MAN1C1: variants seen among roughly 807,000 people sequenced by gnomAD.
MAN1C1 encodes the protein mannosyl-oligosaccharide 1,2-alpha-mannosidase IC.
MAN1C1 carries 49 observed loss-of-function variants against 71.5 expected under a neutral mutation model. The observed-to-expected ratio is 0.69, with a 90% CI of 0.54 to 0.87. MAN1C1 has a LOEUF of 0.87. Ranked by LOEUF, MAN1C1 falls within the 40% of genes least tolerant of loss-of-function variation. The pLI is 0.00. For missense variants in MAN1C1, 743 were observed against 835.0 expected (o/e 0.89, Z 1.36); for synonymous variants, 352 against 343.7 (o/e 1.02, Z -0.27).
chr1:25,642,305 G>A (rs866318328), intron 1 of MAN1C1, among the ~76,000 whole-genome samples: 8 of 152,196 alleles, frequency 5.3e-5, no homozygotes, highest in Non-Finnish European at 1.2e-4. Flanking sequence ...GTAACTGATT[G>A]ATGCTCAGGA....
intron 1 of MAN1C1, among the ~76,000 whole-genome samples, chr1:25,643,176 C>A (rs971531529): frequency 3.3e-5 from 5 of 151,546 alleles, no homozygotes; most frequent in Admixed American, 1.3e-4. Flanking sequence ...GTTCTCCATC[C>A]TCTCCCTCTA....
At chr1:25,768,368 TC>T (rs1247247983) in intron 7 of MAN1C1, among the ~76,000 whole-genome samples, 2 of 32,194 alleles carry the variant, frequency 6.2e-5, no homozygotes, top group Non-Finnish European at 1.2e-4. Flanking sequence ...TTACATACAC[TC>T]CCCCCACACA....
intron 3 of MAN1C1, among the ~76,000 whole-genome samples, chr1:25,748,159 G>T (rs1200089687): frequency 6.6e-6 from 1 of 152,194 alleles, no homozygotes. Context: ...TAGGAGCTGG[G>T]GGACACTCAG....
At chr1:25,651,008 C>T (rs2045683935) in intron 1 of MAN1C1, among the ~76,000 whole-genome samples, 1 of 151,982 alleles carries the variant, frequency 6.6e-6, no homozygotes, top group Non-Finnish European at 1.5e-5. Context: ...CCAAGGAGAC[C>T]TGGAGGGGGT....
chr1:25,647,349 G>A (rs904596319), intron 1 of MAN1C1, among the ~76,000 whole-genome samples: 2 of 152,184 alleles, frequency 1.3e-5, no homozygotes, highest in South Asian at 2.1e-4. Flanking sequence ...TGCCTGTGGT[G>A]CAAGGTGTTT....
At chr1:25,671,511 A>G (rs1017086622) in intron 1 of MAN1C1, among the ~76,000 whole-genome samples, 1 of 152,220 alleles carries the variant, frequency 6.6e-6, no homozygotes, top group Non-Finnish European at 1.5e-5. Flanking sequence ...TAGAGGTGTT[A>G]GGTATTGTCA....
chr1:25,661,663 A>T (rs1480783928), intron 1 of MAN1C1, among the ~76,000 whole-genome samples: 1 of 152,190 alleles, frequency 6.6e-6, no homozygotes, highest in Non-Finnish European at 1.5e-5. Context: ...GGCAGGAAGC[A>T]GGAAGCAGAG....
intron 1 of MAN1C1, among the ~76,000 whole-genome samples, chr1:25,630,577 C>G (rs1490618216): frequency 6.6e-6 from 1 of 152,112 alleles, no homozygotes; most frequent in Non-Finnish European, 1.5e-5. Context: ...GTGATTTCTT[C>G]CAGCAGTGTC....
intron 1 of MAN1C1, chr1:25,646,229 C>G (rs12123729): frequency 0.05 from 7,602 of 152,354 alleles, 287 homozygotes; most frequent in Non-Finnish European, 0.073. Flanking sequence ...TGGTGGAGGA[C>G]CCTGTGGCCA....
At chr1:25,744,578 T>A (rs1001209096) in intron 2 of MAN1C1, among the ~76,000 whole-genome samples, 6 of 152,102 alleles carry the variant, frequency 3.9e-5, no homozygotes, top group African/African-American at 2.4e-5. Context: ...GGCCCTCCCT[T>A]CTGGTAATAG....
Position 25,746,120 on chromosome 1 carries a change from C to A in MAN1C1, c.638-548C>A, listed in dbSNP as rs1031403976. Among the ~76,000 whole-genome samples, 10 of 152,182 alleles carry A rather than the reference C, an allele frequency of 6.6e-5. No individual in the cohort carries two copies. The East Asian group carries it at 1.9e-3, about 29-fold the overall frequency. On this transcript the variant is annotated intron_variant, in intron 2 of 11. Coordinates refer to ENST00000374332, the MANE Select transcript of MAN1C1 (RefSeq NM_020379.4). This position sits in a 1 kb window ranked among gnomAD's most constrained non-coding sequence, Gnocchi z 4.0. ...AGGAGTTCAAGACCAGCCTGGCCAA[C>A]ATGGTGAAACCCCATCTCTACTAAA...
intron 1 of MAN1C1, among the ~76,000 whole-genome samples, chr1:25,668,235 T>G (rs369291210): frequency 8.5e-5 from 13 of 152,234 alleles, no homozygotes; most frequent in African/African-American, 2.4e-4. Flanking sequence ...TGGGAGGCCT[T>G]CCTTGGCCAC....
At chr1:25,771,376 C>T (rs568464686) in intron 7 of MAN1C1, among the ~76,000 whole-genome samples, 2 of 152,364 alleles carry the variant, frequency 1.3e-5, no homozygotes, top group South Asian at 2.1e-4. Flanking sequence ...GAGGCCCTGC[C>T]GTCCCCAGCC....
chr1:25,671,048 T>G (rs1217153255), intron 1 of MAN1C1, among the ~76,000 whole-genome samples: 1 of 152,146 alleles, frequency 6.6e-6, no homozygotes, highest in African/African-American at 2.4e-5. Context: ...AGTTAATTTT[T>G]TTGTATTTTC....
chr1:25,690,136 T>C (rs2046287886), intron 2 of MAN1C1, among the ~76,000 whole-genome samples: 1 of 152,128 alleles, frequency 6.6e-6, no homozygotes, highest in South Asian at 2.1e-4. Flanking sequence ...TTCTGTGTCC[T>C]AAGCAAGTCA....
In MAN1C1 at chr1:25,686,431, T is replaced by C. The variant is rs1402043100; in HGVS notation, c.541-9T>C. ...ACTGAGGTTCTCTCTATGCTGCTTT[T>C]TCTTGCAGATGATGCAGTTTGCTTG... On this transcript the variant is annotated splice_polypyrimidine_tract_variant and intron_variant, in intron 1 of 11. Coordinates refer to ENST00000374332, the MANE Select transcript of MAN1C1 (RefSeq NM_020379.4). 8 of 1,613,626 alleles carry C rather than the reference T, an allele frequency of 5.0e-6. No homozygotes were observed. In the African/African-American group the frequency reaches 9.3e-5, roughly 19 times the overall value.
chr1:25,617,913 C>T lies in MAN1C1; in HGVS notation c.116C>T (p.Ala39Val). 2 of 1,607,422 alleles carry T rather than the reference C, an allele frequency of 1.2e-6. No individual in the cohort carries two copies. The highest frequency in any genetic ancestry group is 1.7e-6 in the Non-Finnish European group (2 of 1,177,680). Residue 39 changes from alanine (A) to valine (V), a missense_variant, in exon 1 of 12, where the codon GCC becomes GTC. Physicochemically the swap from Ala to Val is moderately conservative, Grantham distance 64. Coordinates refer to ENST00000374332, the MANE Select transcript of MAN1C1 (RefSeq NM_020379.4). The surrounding 1 kb of genome is among the most constrained non-coding windows in gnomAD (Gnocchi z 5.1). The stretch of plus-strand genomic sequence containing the variant: ...GGCCTGGTCACCCTGTGCTTCGGGG[C>T]CCTCTTCCTGCTGCCCCACTCCTCT... ...LSGLVTLCFG[A>V]LFLLPHSSRL...
chr1:25,650,386 G>A (rs920111135), intron 1 of MAN1C1, among the ~76,000 whole-genome samples: 4 of 152,194 alleles, frequency 2.6e-5, no homozygotes, highest in Non-Finnish European at 5.9e-5. Context: ...GGGGTTCAGA[G>A]CCTTTTATTA....
At chr1:25,717,889 T>C (rs1044924556) in intron 2 of MAN1C1, among the ~76,000 whole-genome samples, 19 of 152,168 alleles carry the variant, frequency 1.2e-4, no homozygotes, top group African/African-American at 3.6e-4. Flanking sequence ...ACCAGCAGTG[T>C]GTGAGAGTTC....
Sources: gnomAD v4.1 joint callset for allele counts (sites outside exome capture counted in the v4.1 genomes callset) on GRCh38, gnomAD v4.1.1 for gene constraint, Gnocchi (gnomAD v3.1) non-coding constraint, MANE v1.5 for transcripts, NCBI Gene and HGNC (gene_info 2026-07-23, HGNC 2026-07-21) for gene names.